MZT2A: variants seen among roughly 807,000 people sequenced by gnomAD.
MZT2A encodes mitotic-spindle organizing protein 2A.
Under a neutral mutation model 12.4 loss-of-function variants are expected in MZT2A, and 8 were observed. That is an observed-to-expected ratio of 0.64 (90% confidence interval 0.38 to 1.16). The LOEUF is 1.16. Ranked by LOEUF, MZT2A falls within the 50% of genes most tolerant of loss-of-function variation. The pLI is 0.01. For synonymous variants in MZT2A, 88 were observed against 107.5 expected (o/e 0.82, Z 1.12); for missense variants, 181 against 223.6 (o/e 0.81, Z 1.22).
downstream of MZT2A, chr2:131,480,123 G>A (rs752569948): frequency 6.8e-6 from 11 of 1,612,730 alleles, no homozygotes; most frequent in South Asian, 3.3e-5. Flanking sequence ...CTTTGGGGGC[G>A]GCACTGGCTC....
upstream of MZT2A, chr2:131,492,744 T>C (rs1160047214): frequency 8.0e-7 from 1 of 1,254,480 alleles, no homozygotes; most frequent in Non-Finnish European, 1.0e-6. Context: ...CGTGCAATTT[T>C]CTGGTCCGCA....
intron 4 of MZT2A, chr2:131,469,956 A>G (rs556451158): frequency 5.7e-5 from 14 of 244,330 alleles, no homozygotes; most frequent in Non-Finnish European, 8.6e-5. Context: ...GGCACCCAAT[A>G]CCATGCCTGG....
At chr2:131,493,046 G>T (rs1679415737), upstream of MZT2A, 49 of 1,489,672 alleles carry the variant, frequency 3.3e-5, no homozygotes, top group Non-Finnish European at 4.4e-5. Flanking sequence ...CGGCCGCGGG[G>T]CGTGGCTCTG....
chr2:131,474,242 C>T (rs1407957834), intron 2 of MZT2A, among the ~76,000 whole-genome samples: 5 of 151,142 alleles, frequency 3.3e-5, no homozygotes, highest in East Asian at 2.0e-4. Context: ...GGACTGCAGG[C>T]ACCCGCCGCC....
Position 131,492,304 on chromosome 2 carries a change from G to C in MZT2A, c.73C>G (p.Leu25Val), listed in dbSNP as rs563777683. The C allele has an allele frequency of 1.4e-3, 2,119 of 1,541,032 alleles. 1 individual carries two copies. Among genetic ancestry groups the C allele is most frequent in the Non-Finnish European group, 1.7e-3 (1,920 of 1,152,476 alleles). Residue 25 changes from leucine to valine, a missense_variant, in exon 1 of 3, where the codon CTG (leucine) becomes GTG (valine). Physicochemically the swap from Leu to Val is conservative, Grantham distance 32. This residue lies in a region of MZT2A where 106 missense variants were observed against 127.2 expected (regional missense o/e 0.83). Coordinates refer to ENST00000309451, the MANE Select transcript of MZT2A (RefSeq NM_001085365.2). The part of the protein sequence containing the change: ...PPGLEAARQK[L>V]ALRRKKVLST... ...AGCACCTTCTTGCGCCGCAGCGCCA[G>C]CTTCTGCCGGGCCGCCTCCAGCCCC... is the stretch of plus-strand genomic sequence containing the variant.
chr2:131,492,177 G>A, intron 1 of MZT2A, 30 bp downstream of exon 1: 1 of 1,537,906 alleles, frequency 6.5e-7, no homozygotes, highest in South Asian at 1.2e-5. Flanking sequence ...GGTGTCTGGC[G>A]AGCATGCGGC....
chr2:131,476,522 T>C (rs1239808483), intron 2 of MZT2A, among the ~76,000 whole-genome samples: 1 of 152,216 alleles, frequency 6.6e-6, no homozygotes, highest in Non-Finnish European at 1.5e-5. Flanking sequence ...GTCTTTGTGC[T>C]ACTCGAAACA....
At chr2:131,486,936 C>T (rs1679074507) in intron 2 of MZT2A, among the ~76,000 whole-genome samples, 1 of 152,162 alleles carries the variant, frequency 6.6e-6, no homozygotes, top group Admixed American at 6.5e-5. Context: ...CTGTTCAGGC[C>T]TCCTCACTTT....
At chr2:131,490,983 C>T (rs1391233133) in intron 2 of MZT2A, 25 of 1,542,992 alleles carry the variant, frequency 1.6e-5, no homozygotes, top group Admixed American at 1.4e-4. Flanking sequence ...CTTGGGTCAG[C>T]GGGCGTGGGT....
At chr2:131,492,575 G>C, upstream of MZT2A, 1 of 1,179,298 alleles carries the variant, frequency 8.5e-7, no homozygotes, top group Non-Finnish European at 1.0e-6. Context: ...TGAGCGGCGC[G>C]CTAGGCGTCG....
chr2:131,488,861 C>T (rs551723775), intron 2 of MZT2A, among the ~76,000 whole-genome samples: 187 of 152,254 alleles, frequency 1.2e-3, no homozygotes, highest in Non-Finnish European at 2.3e-3. Flanking sequence ...CCTGAGGGGC[C>T]CAGCACTCCA....
At chr2:131,476,076 C>T in intron 2 of MZT2A, 1 of 1,549,588 alleles carries the variant, frequency 6.5e-7, no homozygotes, top group Non-Finnish European at 8.7e-7. Flanking sequence ...CCAATGGCGG[C>T]CTGGCACCGG....
upstream of MZT2A, chr2:131,492,954 TGGCC>T (rs1225381048): frequency 4.5e-5 from 69 of 1,522,682 alleles, no homozygotes; most frequent in Admixed American, 2.4e-4. Context: ...TTCCCCTCCC[TGGCC>T]GGCCGGCCGG....
intron 2 of MZT2A, among the ~76,000 whole-genome samples, chr2:131,477,275 T>C (rs1025110991): frequency 6.6e-6 from 1 of 151,892 alleles, no homozygotes; most frequent in African/African-American, 2.4e-5. Context: ...TCCCAAGTGA[T>C]CCTCTCACCT....
At chr2:131,479,545 A>T, downstream of MZT2A, 1 of 1,575,514 alleles carries the variant, frequency 6.3e-7, no homozygotes, top group Non-Finnish European at 8.6e-7. Context: ...ATCAACACTT[A>T]GACCAGCATC....
At chr2:131,479,409 A>G (rs529008084), downstream of MZT2A, 1 of 1,614,166 alleles carries the variant, frequency 6.2e-7, no homozygotes, top group Non-Finnish European at 8.5e-7. Flanking sequence ...CCATTACACC[A>G]TCGGCAAGGA....
chr2:131,488,528 C>T (rs1679146742), intron 2 of MZT2A, among the ~76,000 whole-genome samples: 1 of 152,068 alleles, frequency 6.6e-6, no homozygotes, highest in Non-Finnish European at 1.5e-5. Flanking sequence ...GCCTCCATGC[C>T]CCTCCCCCCG....
intron 2 of MZT2A, chr2:131,490,760 G>T: frequency 6.5e-7 from 1 of 1,549,946 alleles, no homozygotes; most frequent in Non-Finnish European, 8.7e-7. Context: ...GGAACCCGGG[G>T]GGCCTGGAGA....
chr2:131,490,736 C>T, intron 2 of MZT2A: 1 of 1,547,878 alleles, frequency 6.5e-7, no homozygotes, highest in Non-Finnish European at 8.7e-7. Flanking sequence ...GAACAGGCAG[C>T]AAGAGAGGCG....
Sources: allele counts gnomAD v4.1 joint callset (sites outside exome capture counted in the v4.1 genomes callset), GRCh38; gene constraint gnomAD v4.1.1; regional missense constraint gnomAD v4.1.1; transcripts MANE v1.5; gene names NCBI Gene and HGNC (gene_info 2026-07-23, HGNC 2026-07-21).